NCAN: variants seen among roughly 807,000 people sequenced by gnomAD.
The protein encoded by NCAN is neurocan, also known as neurocan core protein.
In NCAN, 47 loss-of-function variants were observed where a neutral mutation model predicts 121.8. The ratio of observed to expected loss-of-function variants is 0.39; its 90% CI spans 0.31 to 0.49. NCAN has a LOEUF of 0.49. Ranked by LOEUF, NCAN falls within the 20% of genes least tolerant of loss-of-function variation. NCAN has a pLI of 0.92. For missense variants in NCAN, 1,517 were observed against 1,773.4 expected (o/e 0.86, Z 2.60); for synonymous variants, 633 against 702.0 (o/e 0.90, Z 1.55).
At chr19:19,215,493 G>A (rs183402909) in intron 1 of NCAN, among the ~76,000 whole-genome samples, 508 of 152,228 alleles carry the variant, frequency 3.3e-3, no homozygotes, top group Non-Finnish European at 5.4e-3. Context: ...CTTAATAATT[G>A]TCCACTTTAT....
chr19:19,222,574 C>T (rs981110204), intron 3 of NCAN, among the ~76,000 whole-genome samples: 3 of 152,150 alleles, frequency 2.0e-5, no homozygotes, highest in Non-Finnish European at 2.9e-5. Flanking sequence ...CTGCTATGCC[C>T]GGACATTCAG....
chr19:19,227,791 C>A lies in NCAN; in HGVS notation c.2171C>A (p.Ser724Tyr). The change falls in exon 8 of 15, where the codon TCC (serine) becomes TAC (tyrosine). Residue 724 changes from serine (S) to tyrosine (Y), a missense_variant. Transcript: ENST00000252575. This position sits in a 1 kb window ranked among gnomAD's most constrained non-coding sequence, Gnocchi z 4.2. ...GTCAACAAAGCTGAGCACTCCAGCTCCAGCCCATGGCCTTCTGTAAACAGG... is the reference window on the plus strand; with the variant it reads ...GTCAACAAAGCTGAGCACTCCAGCTACAGCCCATGGCCTTCTGTAAACAGG... Reference protein sequence around the residue: ...AQVNKAEHSSSSPWPSVNRNV... With the variant: ...AQVNKAEHSSYSPWPSVNRNV... 6.2e-7 allele frequency: 1 copy of A among 1,613,694 alleles called. No individual in the cohort carries two copies. Among genetic ancestry groups the A allele is most frequent in the South Asian group, 1.1e-5 (1 of 91,084 alleles).
intron 12 of NCAN, among the ~76,000 whole-genome samples, chr19:19,243,570 T>C (rs2060912167): frequency 6.7e-6 from 1 of 149,774 alleles, no homozygotes; most frequent in Non-Finnish European, 1.5e-5. Context: ...CAATGATGGT[T>C]ATGCAACATT....
intron 12 of NCAN, 39 bp downstream of exon 12, chr19:19,240,724 C>T: frequency 6.3e-7 from 1 of 1,595,440 alleles, no homozygotes; most frequent in African/African-American, 1.3e-5. Flanking sequence ...TGCTGAGCCA[C>T]ATCAGCCCTG....
At chr19:19,214,100 C>A (rs1453818857) in intron 1 of NCAN, among the ~76,000 whole-genome samples, 1 of 152,166 alleles carries the variant, frequency 6.6e-6, no homozygotes, top group Non-Finnish European at 1.5e-5. Context: ...CGGACACACA[C>A]CCAGTCACAA....
At chr19:19,234,923 T>TG in intron 9 of NCAN, 60 bp from the exon 10 acceptor site, 1 of 1,090,048 alleles carries the variant, frequency 9.2e-7, no homozygotes, top group Non-Finnish European at 1.4e-6. Flanking sequence ...TAGTTTCCTG[T>TG]GGGGGCTCAG....
rs1385028949 is a variant in NCAN, at chr19:19,225,604, C to A, written c.1072+334C>A. Among the ~76,000 whole-genome samples, 2 of 152,220 alleles carry A rather than the reference C, an allele frequency of 1.3e-5. No individual in the cohort carries two copies. The highest frequency in any genetic ancestry group is 2.9e-5 in the Non-Finnish European group (2 of 68,028). ...GTGGGGCATACTCTACCTAGAGCCA[C>A]GCCCATACGCAGAAACACCCCCGTG... On this transcript the variant is annotated intron_variant, in intron 6 of 14. Transcript: ENST00000252575. The surrounding 1 kb of genome is among the most constrained non-coding windows in gnomAD (Gnocchi z 4.0).
rs112544518 is a variant in NCAN, at chr19:19,249,045, T to TTGTG, written c.3820+195_3820+198dup. The TTGTG allele has an allele frequency of 8.7e-3, 4,768 of 548,760 alleles. 27 individuals carry two copies. Among genetic ancestry groups the TTGTG allele is most frequent in the African/African-American group, 0.027 (1,361 of 51,226 alleles). 34.0% of individuals were successfully genotyped at this position (548,760 alleles called of 1,614,324 possible). A position where few individuals can be genotyped will look rare whatever the true frequency, so the allele number is the denominator to read the frequency against. On this transcript the variant is annotated intron_variant, in intron 14 of 14. Transcript: ENST00000252575. The stretch of plus-strand genomic sequence containing the variant: ...CCAGCCTGTCTGATGTTTCCTTCAT[T>TTGTG]TGTGTGTGTGTGTGTGTGTGTGTGT...
rs1413985417 is a variant in NCAN at position 19,212,071 on chromosome 19, G to A, written c.-8+7G>A. On this transcript the variant is annotated splice_region_variant and intron_variant, in intron 1 of 14. Transcript: ENST00000252575. The surrounding 1 kb of genome is among the most constrained non-coding windows in gnomAD (Gnocchi z 4.5). ...CGTCCGAGCTAGGAGCCAGGTGGGG[G>A]ATCCGTGAGGGGGCCGTGTTGCGGG... is the stretch of plus-strand genomic sequence containing the variant. The A allele has an allele frequency of 4.9e-6, 1 of 203,652 alleles. No homozygotes were observed. Among genetic ancestry groups the A allele is most frequent in the Non-Finnish European group, 1.1e-5 (1 of 94,398 alleles). The allele number at this position is 203,652 out of a possible 1,614,324, so 12.6% of individuals were successfully genotyped here. A position where few individuals can be genotyped will look rare whatever the true frequency, so the allele number is the denominator to read the frequency against.
At chr19:19,244,939 T>C (rs1399854184) in intron 12 of NCAN, among the ~76,000 whole-genome samples, 1 of 151,942 alleles carries the variant, frequency 6.6e-6, no homozygotes, top group Non-Finnish European at 1.5e-5. Flanking sequence ...CTTGAACTCC[T>C]GACCTCAGGT....
chr19:19,227,523 A>G lies in NCAN; in HGVS notation c.1903A>G (p.Met635Val). The change falls in exon 8 of 15, where the codon ATG (methionine) becomes GTG (valine). Residue 635 changes from methionine to valine, a missense_variant. Met to Val is a conservative substitution (Grantham distance 21). Coordinates refer to ENST00000252575, the MANE Select transcript of NCAN (RefSeq NM_004386.3). This position sits in a 1 kb window ranked among gnomAD's most constrained non-coding sequence, Gnocchi z 4.2. ...ATSPDLPMMA[M>V]LRGPKEWMLP... Reference sequence around the variant, plus strand: ...CTCCCCAGATCTCCCTATGATGGCCATGCTGCGTGGTCCCAAAGAGTGGAT... The same window carrying G: ...CTCCCCAGATCTCCCTATGATGGCCGTGCTGCGTGGTCCCAAAGAGTGGAT... The G allele has an allele frequency of 6.2e-7, 1 of 1,613,834 alleles. No homozygotes were observed. The highest frequency in any genetic ancestry group is 8.5e-7 in the Non-Finnish European group (1 of 1,179,990).
In NCAN at chr19:19,216,927, C is replaced by G; in HGVS notation, c.-7-20C>G. Reference sequence around the variant, plus strand: ...GTTGGGCTGTGGCTCACCCCTCCCTCCCTCTCCATTTTGTTCCAGATCCAG... The same window carrying G: ...GTTGGGCTGTGGCTCACCCCTCCCTGCCTCTCCATTTTGTTCCAGATCCAG... On this transcript the variant is annotated intron_variant, in intron 1 of 14. Coordinates refer to ENST00000252575, the MANE Select transcript of NCAN (RefSeq NM_004386.3). The G allele has an allele frequency of 2.3e-6, 3 of 1,304,578 alleles. No individual in the cohort carries two copies. The highest frequency in any genetic ancestry group is 3.1e-5 in the Admixed American group (1 of 32,690). 80.8% of individuals were successfully genotyped at this position (1,304,578 alleles called of 1,614,324 possible). A position where few individuals can be genotyped will look rare whatever the true frequency, so the allele number is the denominator to read the frequency against.
chr19:19,224,471 C>G (rs781577703), intron 5 of NCAN, 38 bp downstream of exon 5: 2 of 1,600,526 alleles, frequency 1.2e-6, no homozygotes, highest in African/African-American at 1.3e-5. Context: ...CCCTCCGCCT[C>G]TCTTTGAGTA....
chr19:19,227,599 A>T lies in NCAN; in HGVS notation c.1979A>T (p.His660Leu). The T allele has an allele frequency of 6.2e-7, 1 of 1,613,840 alleles. No homozygotes were observed. Among genetic ancestry groups the T allele is most frequent in the African/African-American group, 1.3e-5 (1 of 75,010 alleles). The part of the protein sequence containing the change: ...ISTEANRVEA[H>L]GEATATAPPS... ...ACCGAGGCCAATAGAGTTGAGGCAC[A>T]TGGTGAGGCCACCGCCACGGCTCCA... Residue 660 changes from histidine to leucine, a missense_variant, in exon 8 of 15, where the codon CAT becomes CTT. His to Leu is a moderately conservative substitution (Grantham distance 99). Coordinates refer to ENST00000252575, the MANE Select transcript of NCAN (RefSeq NM_004386.3). This position sits in a 1 kb window ranked among gnomAD's most constrained non-coding sequence, Gnocchi z 4.2.
chr19:19,245,204 T>C, intron 12 of NCAN, 109 bp from the exon 13 acceptor site: 2 of 1,352,522 alleles, frequency 1.5e-6, no homozygotes, highest in East Asian at 2.5e-5. Context: ...GAACACTGAA[T>C]CCCTGTGAGT....
Position 19,249,947 on chromosome 19 carries a change from T to TG in NCAN, c.*37dup, listed in dbSNP as rs1443047656. On this transcript the variant is annotated 3_prime_UTR_variant, in exon 15 of 15. Coordinates refer to ENST00000252575, the MANE Select transcript of NCAN (RefSeq NM_004386.3). ...AAAAGAAAGCACAACACCTTTCCCA[T>TG]GCCTCCTCTGGAGCCTTCGCCTGGG... 2 of 1,586,426 alleles carry TG rather than the reference T, an allele frequency of 1.3e-6. No individual in the cohort carries two copies. Among genetic ancestry groups the TG allele is most frequent in the Non-Finnish European group, 1.7e-6 (2 of 1,165,244 alleles).
intron 1 of NCAN, 69 bp from the exon 2 acceptor site, chr19:19,216,878 C>T (rs557975265): frequency 2.2e-6 from 2 of 927,838 alleles, no homozygotes; most frequent in Admixed American, 6.2e-5. Flanking sequence ...GAGTTTGGTC[C>T]TGCAATGCTG....
rs1008744871 is a variant in NCAN, at chr19:19,245,342, G to A, written c.3522G>A (p.Pro1174=). The A allele has an allele frequency of 7.4e-6, 12 of 1,614,206 alleles. No homozygotes were observed. The highest frequency in any genetic ancestry group is 6.7e-5 in the Admixed American group (4 of 60,026). The stretch of plus-strand genomic sequence containing the variant: ...TTGAGAACTGGCGAGAGAACCAGCC[G>A]GACAATTTCTTCGCGGGTGGCGAGG... The part of the protein sequence containing the change: ...LQFENWRENQ[P]DNFFAGGEDC... The change falls in exon 13 of 15, where the codon CCG becomes CCA. Residue 1174 remains proline, a synonymous_variant. Transcript: ENST00000252575.
At position 19,227,340 on chromosome 19, in the gene NCAN, C is replaced by T; in HGVS notation, c.1720C>T (p.Pro574Ser). 6.2e-7 allele frequency: 1 copy of T among 1,610,470 alleles called. No individual in the cohort carries two copies. Among genetic ancestry groups the T allele is most frequent in the Non-Finnish European group, 8.5e-7 (1 of 1,178,336 alleles). The stretch of plus-strand genomic sequence containing the variant: ...GCTGTGGCCCCCTACCATGGTCCCA[C>T]CCAGCATCTCAGGCCACAGCAGGGC... Reference protein sequence around the residue: ...PWLWPPTMVPPSISGHSRAPV... With the variant: ...PWLWPPTMVPSSISGHSRAPV... Residue 574 changes from proline (P) to serine (S), a missense_variant, in exon 8 of 15, where the codon CCC becomes TCC. Physicochemically the swap from Pro to Ser is moderately conservative, Grantham distance 74 (BLOSUM62 -1). Transcript: ENST00000252575. This position sits in a 1 kb window ranked among gnomAD's most constrained non-coding sequence, Gnocchi z 4.2.
Sources: gnomAD v4.1 joint callset for allele counts (sites outside exome capture counted in the v4.1 genomes callset) on GRCh38, gnomAD v4.1.1 for gene constraint, Gnocchi (gnomAD v3.1) non-coding constraint, MANE v1.5 for transcripts, NCBI Gene and HGNC (gene_info 2026-07-23, HGNC 2026-07-21) for gene names.